The following NAGPA variants were observed in gnomAD, a reference collection of about 807,000 sequenced individuals.
NAGPA encodes N-acetylglucosamine-1-phosphodiester alpha-N-acetylglucosaminidase.
Under a neutral mutation model 48.5 loss-of-function variants are expected in NAGPA, and 56 were observed. The observed-to-expected ratio is 1.15, with a 90% CI of 0.93 to 1.44. The LOEUF is 1.44. Ranked by LOEUF, NAGPA falls within the 40% of genes most tolerant of loss-of-function variation. The pLI is 0.00. For missense variants in NAGPA, 888 were observed against 735.0 expected, an observed-to-expected ratio of 1.21 and a Z score of -2.41; for synonymous variants, 399 against 315.5, an observed-to-expected ratio of 1.26 and a Z score of -2.81.
Position 5,027,329 on chromosome 16 carries a change from C to T in NAGPA, c.1225G>A (p.Glu409Lys). Residue 409 changes from glutamate (E) to lysine (K), a missense_variant, in exon 8 of 10, where the codon GAG becomes AAG. By Grantham distance (56) the Glu-to-Lys change is moderately conservative (BLOSUM62 1). Coordinates refer to ENST00000312251, the MANE Select transcript of NAGPA (RefSeq NM_016256.4). ...TTGGGGTCACAGGGACAATGGTGCT[C>T]ACACTTACAAGGCCTCTGGCAGCCC... ...GPGCQRPCKC[E>K]HHCPCDPKTG... 4 of 1,614,204 alleles carry T rather than the reference C, an allele frequency of 2.5e-6. No homozygotes were observed. The highest frequency in any genetic ancestry group is 3.4e-6 in the Non-Finnish European group (4 of 1,180,042).
At chr16:5,030,834 T>C (rs992124450) in intron 3 of NAGPA, among the ~76,000 whole-genome samples, 1 of 152,196 alleles carries the variant, frequency 6.6e-6, no homozygotes, top group Admixed American at 6.5e-5. Flanking sequence ...TGCAGCCACT[T>C]TGCACTTCCT....
In NAGPA at chr16:5,027,200, T is replaced by A. The variant is rs1195867303; in HGVS notation, c.1277-2A>T. The A allele has an allele frequency of 6.2e-7, 1 of 1,614,036 alleles. No individual in the cohort carries two copies. Among genetic ancestry groups the A allele is most frequent in the Non-Finnish European group, 8.5e-7 (1 of 1,179,962 alleles). The stretch of plus-strand genomic sequence containing the variant: ...CAGGTGGCTGGAGACACTGCTTTAC[T>A]GTAACATACCAGAGACAGGCTGAAG... On this transcript the variant is annotated splice_acceptor_variant, in intron 8 of 9. Coordinates refer to ENST00000312251, the MANE Select transcript of NAGPA (RefSeq NM_016256.4). LOFTEE classifies it high-confidence loss of function.
At chr16:5,028,633 C>A in intron 5 of NAGPA, 1 of 607,684 alleles carries the variant, frequency 1.6e-6, no homozygotes, top group South Asian at 1.9e-5. Context: ...CTCCCACCCC[C>A]ACCCAGCTAC....
At chr16:5,026,955 C>T (rs528061783) in intron 9 of NAGPA, among the ~76,000 whole-genome samples, 180 bp downstream of exon 9, 9 of 152,286 alleles carry the variant, frequency 5.9e-5, no homozygotes, top group Admixed American at 5.2e-4. Context: ...GCTGGGCACT[C>T]GAAGGCCCTG....
rs999904620 is a variant in NAGPA at position 5,033,861 on chromosome 16, G to T, written c.54C>A (p.Phe18Leu). Reference protein sequence around the residue: ...WLLLRLALFGFLWEASGGLDS... With the variant: ...WLLLRLALFGLLWEASGGLDS... The stretch of plus-strand genomic sequence containing the variant: ...CGAGGCCGCCGGACGCTTCCCAGAG[G>T]AAGCCGAATAGTGCAAGCCGGAGGA... Residue 18 changes from phenylalanine to leucine, a missense_variant, in exon 1 of 10, where the codon TTC (phenylalanine) becomes TTA (leucine). By Grantham distance (22) the Phe-to-Leu change is conservative. Coordinates refer to ENST00000312251, the MANE Select transcript of NAGPA (RefSeq NM_016256.4). The surrounding 1 kb of genome is among the most constrained non-coding windows in gnomAD (Gnocchi z 4.2). The T allele has an allele frequency of 2.6e-6, 4 of 1,549,470 alleles. No individual in the cohort carries two copies. Among genetic ancestry groups the T allele is most frequent in the Non-Finnish European group, 3.5e-6 (4 of 1,147,064 alleles).
chr16:5,028,532 G>GC, intron 5 of NAGPA: 1 of 581,510 alleles, frequency 1.7e-6, no homozygotes, highest in Non-Finnish European at 3.1e-6. Flanking sequence ...CCTGTGCCCA[G>GC]CCCTCTCCAG....
At chr16:5,032,364 C>A (rs1036770151) in intron 2 of NAGPA, among the ~76,000 whole-genome samples, 2 of 152,096 alleles carry the variant, frequency 1.3e-5, no homozygotes, top group Admixed American at 6.5e-5. Flanking sequence ...TAATTCAAAT[C>A]ATCAATCTTG....
chr16:5,028,832 G>A, intron 5 of NAGPA, 48 bp downstream of exon 5: 1 of 1,613,028 alleles, frequency 6.2e-7, no homozygotes, highest in Non-Finnish European at 8.5e-7. Context: ...GACAGGCTGG[G>A]GCAGACCTGG....
Position 5,033,257 on chromosome 16 carries a change from C to T in NAGPA, c.542+16G>A, listed in dbSNP as rs1233399909. The T allele has an allele frequency of 2.5e-6, 4 of 1,580,740 alleles. No homozygotes were observed. The highest frequency in any genetic ancestry group is 8.5e-7 in the Non-Finnish European group (1 of 1,172,484). On this transcript the variant is annotated intron_variant, in intron 2 of 9. Transcript: ENST00000312251. The surrounding 1 kb of genome is among the most constrained non-coding windows in gnomAD (Gnocchi z 4.2). ...GCCCTCTGCCCTCGACAGCACGGGG[C>T]TCCCTGCCTCCTCACCCGGTGACCA...
Position 5,030,400 on chromosome 16 carries a change from T to C in NAGPA, c.776A>G (p.Gln259Arg), listed in dbSNP as rs768631801. The change falls in exon 4 of 10, where the codon CAA becomes CGA. Residue 259 changes from glutamine to arginine, a missense_variant. By Grantham distance (43) the Gln-to-Arg change is conservative. Coordinates refer to ENST00000312251, the MANE Select transcript of NAGPA (RefSeq NM_016256.4). ...CAGGACTCACCCACGCTGCTCCGTTTGGCCGTCTGCATGAAAGAGCACCAG... is the reference window on the plus strand; with the variant it reads ...CAGGACTCACCCACGCTGCTCCGTTCGGCCGTCTGCATGAAAGAGCACCAG... ...GQLVLFHADGQTEQRGINLWE... is the reference protein window; with the variant it reads ...GQLVLFHADGRTEQRGINLWE... 2.6e-6 allele frequency: 4 copies of C among 1,551,830 alleles called. No individual in the cohort carries two copies. Among genetic ancestry groups the C allele is most frequent in the South Asian group, 2.4e-5 (2 of 84,078 alleles).
At position 5,025,519 on chromosome 16, in the gene NAGPA, T is replaced by G. The variant is rs781409192; in HGVS notation, c.1507A>C (p.Lys503Gln). 1 of 1,612,854 alleles carries G rather than the reference T, an allele frequency of 6.2e-7. No homozygotes were observed. The highest frequency in any genetic ancestry group is 2.2e-5 in the East Asian group (1 of 44,886). The stretch of plus-strand genomic sequence containing the variant: ...TTGTGGGCGCCCCCTGGCTGCTCCT[T>G]CTCTGCGGCCAGAGGCTCCCCGTTC... Reference protein sequence around the residue: ...EMNGEPLAAEKEQPGGAHNPF... With the variant: ...EMNGEPLAAEQEQPGGAHNPF... Residue 503 changes from lysine to glutamine, a missense_variant, in exon 10 of 10, where the codon AAG (lysine) becomes CAG (glutamine). By Grantham distance (53) the Lys-to-Gln change is moderately conservative. Coordinates refer to ENST00000312251, the MANE Select transcript of NAGPA (RefSeq NM_016256.4).
At position 5,033,359 on chromosome 16, in the gene NAGPA, C is replaced by G. The variant is rs765210553; in HGVS notation, c.456G>C (p.Val152=). The change falls in exon 2 of 10, where the codon GTG becomes GTC. Residue 152 remains valine (V), a synonymous_variant. Coordinates refer to ENST00000312251, the MANE Select transcript of NAGPA (RefSeq NM_016256.4). This position sits in a 1 kb window ranked among gnomAD's most constrained non-coding sequence, Gnocchi z 4.2. ...RMNSGECLGN[V]VSDERRVSSS... is the part of the protein sequence containing the mutation. The stretch of plus-strand genomic sequence containing the variant: ...TGCTCACCCGCCGCTCGTCGCTCAC[C>G]ACGTTCCCCAGGCACTCGCCCGAGT... 1.3e-6 allele frequency: 2 copies of G among 1,598,104 alleles called. No homozygotes were observed. The highest frequency in any genetic ancestry group is 1.7e-6 in the Non-Finnish European group (2 of 1,179,668).
At position 5,033,265 on chromosome 16, in the gene NAGPA, C is replaced by G. The variant is rs759873144; in HGVS notation, c.542+8G>C. On this transcript the variant is annotated splice_region_variant and intron_variant, in intron 2 of 9. Coordinates refer to ENST00000312251, the MANE Select transcript of NAGPA (RefSeq NM_016256.4). This position sits in a 1 kb window ranked among gnomAD's most constrained non-coding sequence, Gnocchi z 4.2. Reference sequence around the variant, plus strand: ...CCCTCGACAGCACGGGGCTCCCTGCCTCCTCACCCGGTGACCAGGGTCCCG... The same window carrying G: ...CCCTCGACAGCACGGGGCTCCCTGCGTCCTCACCCGGTGACCAGGGTCCCG... 9 of 1,588,442 alleles carry G rather than the reference C, an allele frequency of 5.7e-6. No homozygotes were observed. Among genetic ancestry groups the G allele is most frequent in the Non-Finnish European group, 7.7e-6 (9 of 1,175,998 alleles).
Position 5,033,241 on chromosome 16 carries a change from C to T in NAGPA, c.542+32G>A, listed in dbSNP as rs1956135299. 6.4e-7 allele frequency: 1 copy of T among 1,565,922 alleles called. No individual in the cohort carries two copies. Among genetic ancestry groups the T allele is most frequent in the Admixed American group, 1.8e-5 (1 of 55,734 alleles). The stretch of plus-strand genomic sequence containing the variant: ...ACAACCCAAATCTCAGGCCCTCTGC[C>T]CTCGACAGCACGGGGCTCCCTGCCT... On this transcript the variant is annotated intron_variant, in intron 2 of 9. Coordinates refer to ENST00000312251, the MANE Select transcript of NAGPA (RefSeq NM_016256.4). This position sits in a 1 kb window ranked among gnomAD's most constrained non-coding sequence, Gnocchi z 4.2.
intron 4 of NAGPA, 150 bp downstream of exon 4, chr16:5,030,235 T>C (rs1021239686): frequency 1.4e-6 from 1 of 714,610 alleles, no homozygotes; most frequent in South Asian, 1.6e-5. Flanking sequence ...ACCCTCATCC[T>C]GTGGGAAGGT....
chr16:5,033,028 T>C lies in NAGPA; in HGVS notation c.542+245A>G, dbSNP rs187144316. 10 of 586,590 alleles carry C rather than the reference T, an allele frequency of 1.7e-5. No individual in the cohort carries two copies. Among genetic ancestry groups the C allele is most frequent in the South Asian group, 1.6e-4 (8 of 48,600 alleles). 36.3% of individuals were successfully genotyped at this position (586,590 alleles called of 1,614,324 possible). A position where few individuals can be genotyped will look rare whatever the true frequency, so the allele number is the denominator to read the frequency against. On this transcript the variant is annotated intron_variant, in intron 2 of 9. Transcript: ENST00000312251. This position sits in a 1 kb window ranked among gnomAD's most constrained non-coding sequence, Gnocchi z 4.2. The stretch of plus-strand genomic sequence containing the variant: ...GATTTTTCTAGTAATGGGGGAGGGC[T>C]GTTAAGGCAAAGACTGTGTTGTTCA...
At position 5,025,571 on chromosome 16, in the gene NAGPA, G is replaced by C; in HGVS notation, c.1455C>G (p.Asp485Glu). ...RAERNRRLHGDYAYHPLQEMN... is the reference protein window; with the variant it reads ...RAERNRRLHGEYAYHPLQEMN... ...TCTCCTGCAGCGGGTGGTATGCATA[G>C]TCCCCATGCAGGCGCCGGTTCCTCT... Residue 485 changes from aspartate (D) to glutamate (E), a missense_variant, in exon 10 of 10, where the codon GAC (aspartate) becomes GAG (glutamate). Coordinates refer to ENST00000312251, the MANE Select transcript of NAGPA (RefSeq NM_016256.4). 1 of 1,613,818 alleles carries C rather than the reference G, an allele frequency of 6.2e-7. No homozygotes were observed. Among genetic ancestry groups the C allele is most frequent in the Non-Finnish European group, 8.5e-7 (1 of 1,180,012 alleles).
intron 9 of NAGPA, among the ~76,000 whole-genome samples, chr16:5,026,780 C>T (rs754721543): frequency 3.9e-5 from 6 of 152,112 alleles, no homozygotes; most frequent in Non-Finnish European, 7.4e-5. Context: ...ACGTGCCTGT[C>T]GTCCTAGCTA....
chr16:5,031,785 G>C lies in NAGPA; in HGVS notation c.642C>G (p.Asn214Lys), dbSNP rs777312583. 1.2e-6 allele frequency: 2 copies of C among 1,614,112 alleles called. No individual in the cohort carries two copies. Among genetic ancestry groups the C allele is most frequent in the African/African-American group, 2.7e-5 (2 of 75,020 alleles). Residue 214 changes from asparagine to lysine, a missense_variant, in exon 3 of 10, where the codon AAC becomes AAG. Transcript: ENST00000312251. ...WLIRNGSIYI[N>K]ESQATECDET... ...CGTCACACTCTGTGGCTTGGCTCTCGTTGATGTAGATGCTTCCATTACGAA... is the reference window on the plus strand; with the variant it reads ...CGTCACACTCTGTGGCTTGGCTCTCCTTGATGTAGATGCTTCCATTACGAA...
Sources: gnomAD v4.1 joint callset for allele counts (sites outside exome capture counted in the v4.1 genomes callset) on GRCh38, gnomAD v4.1.1 for gene constraint, Gnocchi (gnomAD v3.1) non-coding constraint, MANE v1.5 for transcripts, NCBI Gene and HGNC (gene_info 2026-07-23, HGNC 2026-07-21) for gene names.